Variants in GTF2H1 observed in about 807,000 individuals in gnomAD.
GTF2H1 encodes the protein general transcription factor IIH subunit 1, also known as BTF2 p62.
A neutral mutation model predicts 71.2 loss-of-function variants in GTF2H1; 16 were observed. The ratio of observed to expected loss-of-function variants is 0.22; its 90% CI spans 0.15 to 0.34. The LOEUF (loss-of-function observed/expected upper bound fraction) is 0.34. Ranked by LOEUF, GTF2H1 falls within the 10% of genes least tolerant of loss-of-function variation. The pLI, the probability that GTF2H1 is intolerant of heterozygous loss-of-function variation, is 1.00. For missense variants in GTF2H1, 498 were observed against 648.2 expected (o/e 0.77, Z 2.52); for synonymous variants, 215 against 219.0 (o/e 0.98, Z 0.16).
intron 2 of GTF2H1, 102 bp from the exon 3 acceptor site, chr11:18,335,652 A>C: frequency 1.3e-6 from 1 of 790,358 alleles, no homozygotes; most frequent in East Asian, 2.6e-5. Flanking sequence ...GGGCAGTTAA[A>C]GCCCAAAGGA....
At chr11:18,355,250 C>G (rs868258330) in intron 11 of GTF2H1, among the ~76,000 whole-genome samples, 6 of 151,684 alleles carry the variant, frequency 4.0e-5, no homozygotes, top group African/African-American at 1.5e-4. Context: ...TCACGCCATT[C>G]TCCTGCCTCA....
intron 1 of GTF2H1, among the ~76,000 whole-genome samples, chr11:18,331,817 A>G (rs983937542): frequency 1.1e-4 from 16 of 151,980 alleles, no homozygotes; most frequent in African/African-American, 3.9e-4. Context: ...AGAAGTTCTC[A>G]ATTATTTTGG....
intron 1 of GTF2H1, among the ~76,000 whole-genome samples, chr11:18,327,016 G>A (rs1290887266): frequency 6.6e-6 from 1 of 152,020 alleles, no homozygotes; most frequent in East Asian, 1.9e-4. Context: ...AGAAAAATTA[G>A]CTGGGCGTGG....
intron 4 of GTF2H1, among the ~76,000 whole-genome samples, 162 bp downstream of exon 4, chr11:18,338,436 ATGTT>A (rs111946613): frequency 0.68 from 102,044 of 151,100 alleles, 34,939 homozygotes; most frequent in East Asian, 0.96. Flanking sequence ...TATTATTATT[ATGTT>A]TGTTTGTTTG....
At chr11:18,360,957 T>C (rs553859692) in intron 14 of GTF2H1, among the ~76,000 whole-genome samples, 2 of 151,958 alleles carry the variant, frequency 1.3e-5, no homozygotes, top group Non-Finnish European at 2.9e-5. Flanking sequence ...AAGCGCATGC[T>C]GCCACGCCCA....
chr11:18,342,658 T>C (rs1475303934), intron 7 of GTF2H1, among the ~76,000 whole-genome samples: 1 of 152,210 alleles, frequency 6.6e-6, no homozygotes, highest in African/African-American at 2.4e-5. Context: ...TGGCCCTCTT[T>C]AATTATCCTG....
At chr11:18,329,126 G>A (rs543679806) in intron 1 of GTF2H1, among the ~76,000 whole-genome samples, 2 of 152,140 alleles carry the variant, frequency 1.3e-5, no homozygotes, top group South Asian at 4.1e-4. Context: ...GGTGGGTACA[G>A]ATAAGGTAAG....
At chr11:18,363,593 A>G in intron 14 of GTF2H1, among the ~76,000 whole-genome samples, 1 of 152,194 alleles carries the variant, frequency 6.6e-6, no homozygotes, top group East Asian at 1.9e-4. Flanking sequence ...CTGAAAAATC[A>G]TCAGCAAGAT....
At chr11:18,347,450 ATGTT>A in intron 7 of GTF2H1, 134 bp from the exon 8 acceptor site, 2 of 580,502 alleles carry the variant, frequency 3.4e-6, no homozygotes, top group Admixed American at 3.2e-5. Flanking sequence ...TTGTTTTTAA[ATGTT>A]TGTTCATAAA....
At chr11:18,350,071 G>A (rs1865391135) in intron 9 of GTF2H1, among the ~76,000 whole-genome samples, 1 of 152,224 alleles carries the variant, frequency 6.6e-6, no homozygotes. Context: ...ACCATTGTAA[G>A]TCAGGGGCTA....
chr11:18,325,601 A>G (rs1168464894), intron 1 of GTF2H1, among the ~76,000 whole-genome samples: 1 of 152,230 alleles, frequency 6.6e-6, no homozygotes, highest in Non-Finnish European at 1.5e-5. Flanking sequence ...AATCACATTA[A>G]AAATTATGTT....
chr11:18,352,976 A>G (rs920555455), intron 11 of GTF2H1, among the ~76,000 whole-genome samples: 4 of 152,242 alleles, frequency 2.6e-5, no homozygotes, highest in Admixed American at 1.3e-4. Flanking sequence ...CTGTAATCCC[A>G]ATACTTTGGG....
rs760029885 is a variant in GTF2H1 at position 18,347,852 on chromosome 11, C to T, written c.986C>T (p.Thr329Ile). 2 of 1,609,800 alleles carry T rather than the reference C, an allele frequency of 1.2e-6. No homozygotes were observed. Among genetic ancestry groups the T allele is most frequent in the South Asian group, 1.1e-5 (1 of 90,322 alleles). The change falls in exon 9 of 15, where the codon ACT becomes ATT. Residue 329 changes from threonine (T) to isoleucine (I), a missense_variant. Thr to Ile is a moderately conservative substitution (Grantham distance 89, BLOSUM62 -1). Around this residue, in one of 3 missense-constraint regions of GTF2H1, gnomAD observed 266 missense variants for 301.6 expected, o/e 0.88. Coordinates refer to ENST00000265963, the MANE Select transcript of GTF2H1 (RefSeq NM_005316.4). ...LRKQEAQNEQ[T>I]SEPSNMDGNS... ...TTAAGAGAAGCACAAAATGAACAAA[C>T]TAGTGAGCCCAGCAACATGGATGGA... is the stretch of plus-strand genomic sequence containing the variant.
At position 18,339,061 on chromosome 11, in the gene GTF2H1, A is replaced by T. The variant is rs1181855037; in HGVS notation, c.514-503A>T. The stretch of plus-strand genomic sequence containing the variant: ...CAATTGGGAATACCTTATCTGTGGA[A>T]TTATGGAATGGAATTCAGTCAGTTG... On this transcript the variant is annotated intron_variant, in intron 4 of 14. Transcript: ENST00000265963. Among the ~76,000 whole-genome samples, 4 of 152,346 alleles carry T rather than the reference A, an allele frequency of 2.6e-5. No homozygotes were observed. The East Asian group carries it at 5.8e-4, about 22-fold the overall frequency.
chr11:18,335,171 G>A (rs199662911), intron 2 of GTF2H1, among the ~76,000 whole-genome samples: 1 of 152,130 alleles, frequency 6.6e-6, no homozygotes, highest in Admixed American at 6.5e-5. Flanking sequence ...AACATTTTGT[G>A]CAAGAGTAAT....
At position 18,334,427 on chromosome 11, in the gene GTF2H1, A is replaced by G. The variant is rs1316239859; in HGVS notation, c.154+1199A>G. ...GCCCTACAAATTTCTGTTACTAGCTAATAGCCTTAGCTACTAACATTTCTG... is the reference window on the plus strand; with the variant it reads ...GCCCTACAAATTTCTGTTACTAGCTGATAGCCTTAGCTACTAACATTTCTG... On this transcript the variant is annotated intron_variant, in intron 2 of 14. Transcript: ENST00000265963. 4.6e-5 allele frequency among the ~76,000 whole-genome samples: 7 copies of G among 152,200 alleles called. No homozygotes were observed. In the East Asian group the frequency reaches 1.3e-3, roughly 29 times the overall value.
chr11:18,360,629 A>G lies in GTF2H1; in HGVS notation c.1482A>G (p.Lys494=). 14 of 1,531,484 alleles carry G rather than the reference A, an allele frequency of 9.1e-6. No homozygotes were observed. The highest frequency in any genetic ancestry group is 1.2e-5 in the Non-Finnish European group (14 of 1,134,500). The allele number at this position is 1,531,484 out of a possible 1,614,324, so 94.9% of individuals were successfully genotyped here. Residue 494 remains lysine (K), a synonymous_variant, in exon 14 of 15, where the codon AAA becomes AAG. Coordinates refer to ENST00000265963, the MANE Select transcript of GTF2H1 (RefSeq NM_005316.4). ...ATCTTTTTTAGGTAGTGAAAATGAA[A>G]AGTAATTTGGAACGATTCCAAGTTA... is the stretch of plus-strand genomic sequence containing the variant. ...PFLEEKVVKM[K]SNLERFQVTK...
rs1201389104 is a variant in GTF2H1 at position 18,347,029 on chromosome 11, CTA to C, written c.838-557_838-556del. On this transcript the variant is annotated intron_variant, in intron 7 of 14. Transcript: ENST00000265963. The stretch of plus-strand genomic sequence containing the variant: ...TGCTGGGATTACAGGTATCCTGACT[CTA>C]TTGCTTTTATTTAACGTTTTGATAA... 3.3e-5 allele frequency: 5 copies of C among 150,750 alleles called. No homozygotes were observed. In the East Asian group the frequency reaches 1.0e-3, roughly 30 times the overall value. 9.3% of individuals were successfully genotyped at this position (150,750 alleles called of 1,614,324 possible). A position where few individuals can be genotyped will look rare whatever the true frequency, so the allele number is the denominator to read the frequency against.
chr11:18,361,400 C>T (rs1337300571), intron 14 of GTF2H1, among the ~76,000 whole-genome samples: 1 of 152,150 alleles, frequency 6.6e-6, no homozygotes, highest in Non-Finnish European at 1.5e-5. Flanking sequence ...GGTGCGGTGG[C>T]TCATGCCTGT....
Sources: allele counts gnomAD v4.1 joint callset (sites outside exome capture counted in the v4.1 genomes callset), GRCh38; gene constraint gnomAD v4.1.1; regional missense constraint gnomAD v4.1.1; transcripts MANE v1.5; gene names NCBI Gene and HGNC (gene_info 2026-07-23, HGNC 2026-07-21).